Variants in PDK1 observed in about 807,000 individuals in gnomAD.
PDK1 encodes the protein pyruvate dehydrogenase kinase 1.
PDK1 carries 39 observed loss-of-function variants against 54.2 expected under a neutral mutation model. The ratio of observed to expected loss-of-function variants is 0.72; its 90% CI spans 0.56 to 0.94. The LOEUF is 0.94. Ranked by LOEUF, PDK1 falls within the 40% of genes least tolerant of loss-of-function variation. PDK1 has a pLI of 0.00. For synonymous variants in PDK1, 221 were observed against 207.1 expected (o/e 1.07, Z -0.58); for missense variants, 552 against 566.0 (o/e 0.98, Z 0.25).
the PDK1 span, among the ~76,000 whole-genome samples, chr2:172,669,591 A>G: frequency 6.6e-6 from 1 of 151,780 alleles, no homozygotes; most frequent in Non-Finnish European, 1.5e-5. Context: ...TTTTTGAGGA[A>G]CCTCCATATT....
chr2:172,700,467 CTCACT>C, the PDK1 span, among the ~76,000 whole-genome samples: 1 of 151,374 alleles, frequency 6.6e-6, no homozygotes, highest in Non-Finnish European at 1.5e-5. Flanking sequence ...AGAGACGCTC[CTCACT>C]TCCTAGACAG....
the PDK1 span, among the ~76,000 whole-genome samples, chr2:172,642,322 G>T: frequency 6.6e-6 from 1 of 152,142 alleles, no homozygotes; most frequent in East Asian, 1.9e-4. Flanking sequence ...TGGGTACTTG[G>T]TGTGAAGATG....
the PDK1 span, among the ~76,000 whole-genome samples, chr2:172,696,611 A>G: frequency 6.6e-6 from 1 of 152,226 alleles, no homozygotes; most frequent in Non-Finnish European, 1.5e-5. Context: ...GATCACTGAC[A>G]TATTAGGATT....
In PDK1 at chr2:172,606,310, A is replaced by G. The variant is rs993335873; in HGVS notation, c.*10341A>G. ...AGGTAAAGAAGATCTCCTCTCTCTT[A>G]GAACTTAATCAAACTCTTGGCATCC... On this transcript the variant is annotated 3_prime_UTR_variant, in exon 11 of 11. Coordinates refer to ENST00000282077, the MANE Select transcript of PDK1 (RefSeq NM_002610.5). The G allele has an allele frequency of 1.3e-5, 2 of 152,254 alleles. No homozygotes were observed. Among genetic ancestry groups the G allele is most frequent in the African/African-American group, 4.8e-5 (2 of 41,466 alleles). 9.4% of individuals were successfully genotyped at this position (152,254 alleles called of 1,614,324 possible). A position where few individuals can be genotyped will look rare whatever the true frequency, so the allele number is the denominator to read the frequency against.
chr2:172,699,173 G>T, the PDK1 span, among the ~76,000 whole-genome samples: 8 of 152,320 alleles, frequency 5.3e-5, no homozygotes, highest in East Asian at 1.3e-3. Context: ...TGCTACAACT[G>T]GGTGGCTAGA....
chr2:172,652,458 G>T, the PDK1 span, among the ~76,000 whole-genome samples: 2 of 150,986 alleles, frequency 1.3e-5, no homozygotes, highest in East Asian at 3.9e-4. Context: ...AGTGTTGGAA[G>T]TTCTGGCCAG....
At chr2:172,566,956 C>T in intron 6 of PDK1, 23 bp downstream of exon 6, 2 of 1,467,472 alleles carry the variant, frequency 1.4e-6, no homozygotes, top group Non-Finnish European at 1.9e-6. Context: ...TTGTCTTTTT[C>T]TCAATAATTA....
At chr2:172,690,970 A>T in the PDK1 span, among the ~76,000 whole-genome samples, 1 of 150,266 alleles carries the variant, frequency 6.7e-6, no homozygotes, top group African/African-American at 2.4e-5. Flanking sequence ...CGTTGTGCAC[A>T]TGTACCCTAG....
Position 172,595,964 on chromosome 2 carries a change from G to A in PDK1, c.1306G>A (p.Ala436Thr), listed in dbSNP as rs1424427301. The change falls in exon 11 of 11, where the codon GCC becomes ACC. Residue 436 changes from alanine to threonine, a missense_variant. Coordinates refer to ENST00000282077, the MANE Select transcript of PDK1 (RefSeq NM_002610.5). ...CAAAGACATGACGACGTTCCGCAGT[G>A]CCTAGACACACTTGGGACATCGGAA... is the stretch of plus-strand genomic sequence containing the variant. The part of the protein sequence containing the change: ...EPKDMTTFRS[A>T] 1.2e-6 allele frequency: 2 copies of A among 1,609,410 alleles called. No homozygotes were observed.
At chr2:172,717,653 T>C in the PDK1 span, among the ~76,000 whole-genome samples, 1 of 152,164 alleles carries the variant, frequency 6.6e-6, no homozygotes, top group African/African-American at 2.4e-5. Context: ...CAAGCGATTC[T>C]CCTGCCTCAC....
the PDK1 span, chr2:172,674,875 C>G: frequency 6.6e-6 from 1 of 152,276 alleles, no homozygotes; most frequent in Non-Finnish European, 1.5e-5. Context: ...CAAGGCGCCA[C>G]CTTGCGGGGA....
intron 9 of PDK1, among the ~76,000 whole-genome samples, chr2:172,587,905 G>A (rs763213932): frequency 5.9e-5 from 9 of 152,148 alleles, no homozygotes; most frequent in East Asian, 5.8e-4. Context: ...GACGAAGAGC[G>A]CCAATTGGTG....
At chr2:172,582,429 T>C (rs918523039) in intron 8 of PDK1, among the ~76,000 whole-genome samples, 2 of 152,206 alleles carry the variant, frequency 1.3e-5, no homozygotes, top group African/African-American at 4.8e-5. Flanking sequence ...CTAGTGTTAC[T>C]GGGAATAGGA....
chr2:172,714,360 T>A, the PDK1 span, among the ~76,000 whole-genome samples: 2 of 152,176 alleles, frequency 1.3e-5, no homozygotes, highest in Non-Finnish European at 2.9e-5. Context: ...ATTAGGAAAA[T>A]TTACATTGTT....
intron 8 of PDK1, among the ~76,000 whole-genome samples, chr2:172,571,823 CTTTTTT>C (rs36031428): frequency 4.0e-5 from 4 of 99,796 alleles, no homozygotes; most frequent in African/African-American, 1.2e-4. Flanking sequence ...TCTTTCTTTA[CTTTTTT>C]TTTTTTTTTT....
chr2:172,557,081 A>G (rs920632953), intron 1 of PDK1, among the ~76,000 whole-genome samples: 2 of 152,240 alleles, frequency 1.3e-5, no homozygotes, highest in African/African-American at 4.8e-5. Context: ...TTTGAGTACA[A>G]AGGTTATCTT....
the PDK1 span, among the ~76,000 whole-genome samples, chr2:172,668,290 T>TG: frequency 6.6e-6 from 1 of 151,640 alleles, no homozygotes; most frequent in African/African-American, 2.4e-5. Flanking sequence ...TTTTTTTTTT[T>TG]TTTGGCAATG....
the PDK1 span, among the ~76,000 whole-genome samples, chr2:172,706,007 C>G: frequency 6.6e-6 from 1 of 152,204 alleles, no homozygotes; most frequent in Non-Finnish European, 1.5e-5. Flanking sequence ...ACCCTTTACC[C>G]AGTTTCCCCC....
chr2:172,685,006 A>G, the PDK1 span, among the ~76,000 whole-genome samples: 2 of 152,136 alleles, frequency 1.3e-5, no homozygotes, highest in South Asian at 4.1e-4. Flanking sequence ...TGATGGTTTT[A>G]TAAGTGTTTG....
Sources: gnomAD v4.1 joint callset for allele counts (sites outside exome capture counted in the v4.1 genomes callset) on GRCh38, gnomAD v4.1.1 for gene constraint, MANE v1.5 for transcripts, NCBI Gene and HGNC (gene_info 2026-07-23, HGNC 2026-07-21) for gene names.